The following MEGF9 variants were observed in gnomAD, a reference collection of about 807,000 sequenced individuals.
MEGF9 encodes multiple EGF like domains 9, also known as multiple epidermal growth factor-like domains protein 9.
MEGF9 carries 6 observed loss-of-function variants against 46.8 expected under a neutral mutation model. The ratio of observed to expected loss-of-function variants is 0.13; its 90% CI spans 0.07 to 0.25. MEGF9 has a LOEUF of 0.25. Ranked by LOEUF, MEGF9 falls within the 10% of genes least tolerant of loss-of-function variation. The probability of loss-of-function intolerance (pLI) is 1.00; values close to 1 mark genes in which losing one functional copy is unlikely to be tolerated. For missense variants in MEGF9, 683 were observed against 792.4 expected, an observed-to-expected ratio of 0.86 and a Z score of 1.66; for synonymous variants, 302 against 330.7, an observed-to-expected ratio of 0.91 and a Z score of 0.94.
intron 1 of MEGF9, among the ~76,000 whole-genome samples, chr9:120,689,084 G>C (rs2043836927): frequency 6.6e-6 from 1 of 152,134 alleles, no homozygotes; most frequent in African/African-American, 2.4e-5. Flanking sequence ...ATAGCAGAGA[G>C]AAAAACAAAG....
chr9:120,620,778 A>G (rs558381399), intron 3 of MEGF9, among the ~76,000 whole-genome samples: 1 of 152,240 alleles, frequency 6.6e-6, no homozygotes, highest in Admixed American at 6.5e-5. Flanking sequence ...AGCCAGTCTG[A>G]CTGGATCACA....
intron 1 of MEGF9, among the ~76,000 whole-genome samples, chr9:120,679,424 T>C (rs1259870642): frequency 1.5e-5 from 2 of 136,086 alleles, no homozygotes; most frequent in Admixed American, 8.2e-5. Flanking sequence ...AATTGAACAA[T>C]GAGAACACTT....
Position 120,635,935 on chromosome 9 carries a change from C to T in MEGF9, c.804-13180G>A, listed in dbSNP as rs1004118657. On this transcript the variant is annotated intron_variant, in intron 2 of 5. Coordinates refer to ENST00000373930, the MANE Select transcript of MEGF9 (RefSeq NM_001080497.3). ...ATGTCTGTGCACCTGGTGGAACAAT[C>T]ATCTCTTCCTTTTTTTTGAGATGAA... 8.5e-5 allele frequency among the ~76,000 whole-genome samples: 13 copies of T among 152,072 alleles called. 1 individual carries two copies. Among genetic ancestry groups the T allele is most frequent in the African/African-American group, 3.1e-4 (13 of 41,416 alleles).
chr9:120,608,037 T>C (rs760464676), intron 4 of MEGF9, 27 bp from the exon 5 acceptor site: 45 of 1,609,022 alleles, frequency 2.8e-5, no homozygotes, highest in Non-Finnish European at 3.6e-5. Flanking sequence ...CAAAATAGTT[T>C]AGTACAGTCT....
intron 2 of MEGF9, among the ~76,000 whole-genome samples, chr9:120,624,297 G>A (rs926057868): frequency 3.9e-5 from 6 of 151,956 alleles, no homozygotes; most frequent in East Asian, 1.9e-4. Context: ...GCGTGATTTC[G>A]GCTCACTGCA....
rs570917955 is a variant in MEGF9 at position 120,673,526 on chromosome 9, A to C, written c.602-13951T>G. Among the ~76,000 whole-genome samples, 41 of 152,246 alleles carry C rather than the reference A, an allele frequency of 2.7e-4. 1 individual carries two copies. The South Asian group carries it at 8.3e-3, about 31-fold the overall frequency. On this transcript the variant is annotated intron_variant, in intron 1 of 5. Coordinates refer to ENST00000373930, the MANE Select transcript of MEGF9 (RefSeq NM_001080497.3). ...AGAGCCCAGAAATAAACCCTCAGAA[A>C]TATCTAACAAATTTAATTTTTGACA...
intron 1 of MEGF9, among the ~76,000 whole-genome samples, chr9:120,692,447 A>T (rs2043852902): frequency 6.6e-6 from 1 of 152,212 alleles, no homozygotes; most frequent in Admixed American, 6.5e-5. Context: ...AGAGACAGTA[A>T]GTGCCCTCTA....
At chr9:120,624,728 G>A (rs1183408457) in intron 2 of MEGF9, among the ~76,000 whole-genome samples, 1 of 151,996 alleles carries the variant, frequency 6.6e-6, no homozygotes, top group Non-Finnish European at 1.5e-5. Flanking sequence ...ACAAAAATTA[G>A]TCAGAGTGGT....
chr9:120,664,587 T>G (rs2132325017), intron 1 of MEGF9, among the ~76,000 whole-genome samples: 1 of 152,342 alleles, frequency 6.6e-6, no homozygotes, highest in East Asian at 1.9e-4. Context: ...TACAAAATTA[T>G]TGCATTTAAG....
intron 1 of MEGF9, among the ~76,000 whole-genome samples, chr9:120,675,871 G>A (rs1231536526): frequency 3.5e-5 from 4 of 113,562 alleles, no homozygotes; most frequent in African/African-American, 1.3e-4. Flanking sequence ...CTGGCCGACA[G>A]AGCGAGACTC....
At chr9:120,678,431 A>G (rs1325776008) in intron 1 of MEGF9, among the ~76,000 whole-genome samples, 1 of 152,108 alleles carries the variant, frequency 6.6e-6, no homozygotes, top group African/African-American at 2.4e-5. Context: ...CCCTTTCTCC[A>G]CATCCTCACC....
chr9:120,646,348 C>T (rs190083023), intron 2 of MEGF9, among the ~76,000 whole-genome samples: 23 of 152,222 alleles, frequency 1.5e-4, no homozygotes, highest in Non-Finnish European at 2.9e-4. Context: ...CCAAATCATC[C>T]GTCTGGCCCT....
At chr9:120,690,031 G>A in intron 1 of MEGF9, 1 of 509,798 alleles carries the variant, frequency 2.0e-6, no homozygotes, top group Non-Finnish European at 4.0e-6. Flanking sequence ...GGGTAATGTG[G>A]CAAATGGGTC....
chr9:120,652,937 G>C (rs1304999864), intron 2 of MEGF9, among the ~76,000 whole-genome samples: 3 of 152,128 alleles, frequency 2.0e-5, no homozygotes, highest in African/African-American at 4.8e-5. Flanking sequence ...AAGCAATGAG[G>C]TTCAGAGAGG....
chr9:120,652,933 T>C (rs982856426), intron 2 of MEGF9, among the ~76,000 whole-genome samples: 3 of 152,200 alleles, frequency 2.0e-5, no homozygotes, highest in Non-Finnish European at 4.4e-5. Flanking sequence ...ATAAAAGCAA[T>C]GAGGTTCAGA....
chr9:120,623,477 G>T lies in MEGF9; in HGVS notation c.804-722C>A, dbSNP rs2043510736. Among the ~76,000 whole-genome samples the T allele has an allele frequency of 2.6e-5, 4 of 152,098 alleles. No homozygotes were observed. In the South Asian group the frequency reaches 8.3e-4, roughly 31 times the overall value. On this transcript the variant is annotated intron_variant, in intron 2 of 5. Transcript: ENST00000373930. ...AAGCTGCAGCCTAACAAAGTCAAAG[G>T]TTCTCAGAGATAGAAGCCCAAATAT... is the stretch of plus-strand genomic sequence containing the variant.
At chr9:120,636,712 C>T (rs1030965106) in intron 2 of MEGF9, among the ~76,000 whole-genome samples, 1 of 152,182 alleles carries the variant, frequency 6.6e-6, no homozygotes, top group African/African-American at 2.4e-5. Context: ...CACACCTCTG[C>T]CCAGCCGCGA....
At chr9:120,659,302 C>A in intron 2 of MEGF9, 72 bp downstream of exon 2, 1 of 1,347,318 alleles carries the variant, frequency 7.4e-7, no homozygotes, top group Non-Finnish European at 1.0e-6. Context: ...CAGTATGGTC[C>A]TTGAGAGTAG....
chr9:120,621,802 T>G (rs1006387724), intron 3 of MEGF9, among the ~76,000 whole-genome samples: 1 of 152,130 alleles, frequency 6.6e-6, no homozygotes, highest in Non-Finnish European at 1.5e-5. Context: ...ATGAGAGAAT[T>G]ACTTCAATCC....
Sources: gnomAD v4.1 joint callset for allele counts (sites outside exome capture counted in the v4.1 genomes callset) on GRCh38, gnomAD v4.1.1 for gene constraint, MANE v1.5 for transcripts, NCBI Gene and HGNC (gene_info 2026-07-23, HGNC 2026-07-21) for gene names.